EXOC4: variants seen among roughly 807,000 people sequenced by gnomAD.
EXOC4 encodes SEC8-like 1.
A neutral mutation model predicts 107.2 loss-of-function variants in EXOC4; 71 were observed. The observed-to-expected ratio is 0.66, with a 90% confidence interval of 0.55 to 0.81. EXOC4 has a LOEUF of 0.81. Ranked by LOEUF, EXOC4 falls within the 30% of genes least tolerant of loss-of-function variation. EXOC4 has a pLI of 0.00. For synonymous variants in EXOC4, 456 were observed against 441.2 expected, an observed-to-expected ratio of 1.03 and a Z score of -0.42; for missense variants, 1,108 against 1,189.6, an observed-to-expected ratio of 0.93 and a Z score of 1.01.
intron 11 of EXOC4, among the ~76,000 whole-genome samples, chr7:133,870,967 G>A (rs17167309): frequency 0.14 from 21,674 of 152,150 alleles, 1,783 homozygotes; most frequent in African/African-American, 0.21. Flanking sequence ...CTCGGTAGTC[G>A]TACTCACATT....
intron 9 of EXOC4, among the ~76,000 whole-genome samples, chr7:133,624,577 C>T (rs764370714): frequency 9.9e-5 from 15 of 152,028 alleles, no homozygotes; most frequent in Non-Finnish European, 2.2e-4. Context: ...AGCAAGACTG[C>T]ATCTCTCTCT....
chr7:133,426,977 G>A (rs1797740632), intron 7 of EXOC4, among the ~76,000 whole-genome samples: 1 of 152,112 alleles, frequency 6.6e-6, no homozygotes, highest in South Asian at 2.1e-4. Context: ...TGAAAAGATG[G>A]CTCTAAGCTC....
At chr7:133,375,741 G>T (rs1032175556) in intron 7 of EXOC4, among the ~76,000 whole-genome samples, 4 of 152,134 alleles carry the variant, frequency 2.6e-5, no homozygotes, top group African/African-American at 9.7e-5. Context: ...TTTGAGAGAT[G>T]AGAATAGATC....
At chr7:133,781,452 C>A (rs1263635212) in intron 10 of EXOC4, among the ~76,000 whole-genome samples, 1 of 152,254 alleles carries the variant, frequency 6.6e-6, no homozygotes. Context: ...TCTGGCTCCG[C>A]CACTTACTAG....
intron 2 of EXOC4, among the ~76,000 whole-genome samples, chr7:133,288,146 A>G (rs140924464): frequency 1.3e-3 from 191 of 152,244 alleles, no homozygotes; most frequent in African/African-American, 4.5e-3. Flanking sequence ...TTGAAAGATC[A>G]TGGTTTTTAA....
At chr7:133,263,849 T>C (rs1793646067) in intron 1 of EXOC4, among the ~76,000 whole-genome samples, 1 of 152,164 alleles carries the variant, frequency 6.6e-6, no homozygotes, top group Non-Finnish European at 1.5e-5. Flanking sequence ...ATATTCTTTA[T>C]GTCCTCTTCC....
chr7:133,338,748 CTTT>C (rs67620822), intron 5 of EXOC4, among the ~76,000 whole-genome samples: 108 of 87,024 alleles, frequency 1.2e-3, no homozygotes, highest in African/African-American at 2.9e-3. Context: ...ATGGTGTAGT[CTTT>C]TTTTTTTTTT....
Position 133,928,922 on chromosome 7 carries a change from CTTTTTTTT to C in EXOC4, c.2028-8948_2028-8941del, listed in dbSNP as rs71162044. ...TGGAAGAATTTAGAAACAGTAGTAC[CTTTTTTTT>C]TTTTTTTTTTTTTTTTTTTTGAGAC... On this transcript the variant is annotated intron_variant, in intron 13 of 17. Coordinates refer to ENST00000253861, the MANE Select transcript of EXOC4 (RefSeq NM_021807.4). 8.0e-3 allele frequency among the ~76,000 whole-genome samples: 658 copies of C among 82,058 alleles called. 2 individuals are homozygous for C. Among genetic ancestry groups the C allele is most frequent in the Non-Finnish European group, 0.011 (531 of 46,302 alleles). 53.8% of individuals were successfully genotyped at this position (82,058 alleles called of 152,430 possible). A position where few individuals can be genotyped will look rare whatever the true frequency, so the allele number is the denominator to read the frequency against.
At chr7:133,755,492 C>T (rs1038969388) in intron 10 of EXOC4, among the ~76,000 whole-genome samples, 2 of 149,026 alleles carry the variant, frequency 1.3e-5, no homozygotes, top group Non-Finnish European at 3.0e-5. Flanking sequence ...TACAGGTGCA[C>T]GCCAGCACGC....
At chr7:133,480,305 TA>T (rs1799123710) in intron 9 of EXOC4, 167 bp downstream of exon 9, 1 of 1,450,932 alleles carries the variant, frequency 6.9e-7, no homozygotes, top group South Asian at 1.4e-5. Flanking sequence ...GCCAAGCAGG[TA>T]AAACTATTAC....
At chr7:133,845,237 G>A (rs1018763955) in intron 11 of EXOC4, among the ~76,000 whole-genome samples, 3 of 151,604 alleles carry the variant, frequency 2.0e-5, no homozygotes, top group Non-Finnish European at 4.4e-5. Flanking sequence ...CCTGTTGCCT[G>A]TTTTGTTTTA....
intron 10 of EXOC4, among the ~76,000 whole-genome samples, chr7:133,680,344 A>C (rs1404984110): frequency 6.6e-6 from 1 of 152,172 alleles, no homozygotes; most frequent in Non-Finnish European, 1.5e-5. Flanking sequence ...TATAGTTAAC[A>C]CTTAAAAATA....
chr7:133,392,807 C>G (rs2150718969), intron 7 of EXOC4, among the ~76,000 whole-genome samples: 1 of 152,250 alleles, frequency 6.6e-6, no homozygotes, highest in South Asian at 2.1e-4. Flanking sequence ...AGGTTCATTA[C>G]AAATGGTCTG....
chr7:133,270,911 C>T (rs1465469811), intron 1 of EXOC4, among the ~76,000 whole-genome samples: 5 of 148,456 alleles, frequency 3.4e-5, no homozygotes. Context: ...TCAGCTCTTT[C>T]ATGCTTTGCT....
At chr7:133,725,566 G>T (rs1257987664) in intron 10 of EXOC4, among the ~76,000 whole-genome samples, 1 of 152,128 alleles carries the variant, frequency 6.6e-6, no homozygotes, top group East Asian at 1.9e-4. Context: ...AGTAGAGACA[G>T]AGTTTCATCA....
chr7:133,666,156 A>G (rs955429479), intron 10 of EXOC4, among the ~76,000 whole-genome samples: 1 of 152,176 alleles, frequency 6.6e-6, no homozygotes, highest in Non-Finnish European at 1.5e-5. Flanking sequence ...CCAAGAGGGA[A>G]ATAGACGGAT....
chr7:133,624,936 G>A (rs1336471266), intron 9 of EXOC4, among the ~76,000 whole-genome samples: 1 of 151,014 alleles, frequency 6.6e-6, no homozygotes, highest in Non-Finnish European at 1.5e-5. Context: ...GGGGAATGAT[G>A]GCTAACACTA....
chr7:133,915,944 T>A (rs897152467), intron 12 of EXOC4, among the ~76,000 whole-genome samples: 1 of 152,130 alleles, frequency 6.6e-6, no homozygotes, highest in Non-Finnish European at 1.5e-5. Flanking sequence ...TGCCTTGAGC[T>A]CAAAACTTTA....
At chr7:133,630,881 A>G (rs1347101388) in intron 10 of EXOC4, among the ~76,000 whole-genome samples, 1 of 152,184 alleles carries the variant, frequency 6.6e-6, no homozygotes, top group African/African-American at 2.4e-5. Context: ...TAAAGAAAAA[A>G]TATAAATCCT....
Sources: allele counts gnomAD v4.1 joint callset (sites outside exome capture counted in the v4.1 genomes callset), GRCh38; gene constraint gnomAD v4.1.1; transcripts MANE v1.5; gene names NCBI Gene and HGNC (gene_info 2026-07-23, HGNC 2026-07-21).